Variants in COL6A2 observed in about 807,000 individuals in gnomAD.
COL6A2 encodes collagen type VI alpha 2 chain.
In COL6A2, 90 loss-of-function variants were observed where a neutral mutation model predicts 124.9. The observed-to-expected ratio is 0.72, with a 90% CI of 0.61 to 0.86. The LOEUF (loss-of-function observed/expected upper bound fraction) is 0.86, where lower values mean the gene tolerates loss of function less well. Ranked by LOEUF, COL6A2 falls within the 40% of genes least tolerant of loss-of-function variation. COL6A2 has a pLI of 0.00. For missense variants in COL6A2, 1,607 were observed against 1,502.5 expected, an observed-to-expected ratio of 1.07 and a Z score of -1.15; for synonymous variants, 793 against 618.2, an observed-to-expected ratio of 1.28 and a Z score of -4.19.
At position 46,116,472 on chromosome 21, in the gene COL6A2, G is replaced by A. The variant is rs546151427; in HGVS notation, c.927+69G>A. ...GGCCCAGACCCACCTCTTGGCGTCC[G>A]CCGCAGCCTGTCACTGCTCCTGGGG... On this transcript the variant is annotated intron_variant, in intron 8 of 27. Transcript: ENST00000300527. The surrounding 1 kb of genome is among the most constrained non-coding windows in gnomAD (Gnocchi z 4.6). 2.4e-4 allele frequency: 380 copies of A among 1,599,778 alleles called. 1 individual carries two copies. The highest frequency in any genetic ancestry group is 5.5e-4 in the African/African-American group (41 of 74,770).
intron 27 of COL6A2, among the ~76,000 whole-genome samples, chr21:46,127,034 G>GCCCATGT (rs2078681548): frequency 1.3e-5 from 2 of 152,172 alleles, no homozygotes; most frequent in Non-Finnish European, 2.9e-5. Flanking sequence ...GAGTGGGGGA[G>GCCCATGT]CCCATGTCCC....
intron 15 of COL6A2, among the ~76,000 whole-genome samples, 154 bp from the exon 16 acceptor site, chr21:46,120,361 G>A (rs932585820): frequency 1.3e-5 from 2 of 152,088 alleles, no homozygotes; most frequent in East Asian, 3.9e-4. Context: ...AGGAGCTATG[G>A]GTGAAACAGG....
At chr21:46,131,770 G>A (rs1243276797) in intron 27 of COL6A2, among the ~76,000 whole-genome samples, 184 bp from the exon 28 acceptor site, 4 of 152,260 alleles carry the variant, frequency 2.6e-5, no homozygotes, top group East Asian at 1.9e-4. Flanking sequence ...CAGCAGTGCC[G>A]CCTGAAAGTG....
chr21:46,103,768 G>C (rs2078310524), intron 1 of COL6A2, among the ~76,000 whole-genome samples: 1 of 152,114 alleles, frequency 6.6e-6, no homozygotes, highest in South Asian at 2.1e-4. Flanking sequence ...GTATGATGTA[G>C]ATCTTTCAAA....
At position 46,109,874 on chromosome 21, in the gene COL6A2, T is replaced by C. The variant is rs530905825; in HGVS notation, c.-27-1576T>C. 6.6e-5 allele frequency among the ~76,000 whole-genome samples: 10 copies of C among 152,266 alleles called. No individual in the cohort carries two copies. The East Asian group carries it at 7.7e-4, about 12-fold the overall frequency. The stretch of plus-strand genomic sequence containing the variant: ...GCGATGCCTGGGTCAGCAGCCCCAG[T>C]TGGGGCAGCTGAAACTGCACCAGGA... On this transcript the variant is annotated intron_variant, in intron 1 of 27. Transcript: ENST00000300527.
Position 46,122,943 on chromosome 21 carries a change from T to A in COL6A2, c.1671+6T>A. 6.2e-7 allele frequency: 1 copy of A among 1,612,892 alleles called. No homozygotes were observed. The highest frequency in any genetic ancestry group is 8.5e-7 in the Non-Finnish European group (1 of 1,179,814). On this transcript the variant is annotated splice_donor_region_variant and intron_variant, in intron 21 of 27. Transcript: ENST00000300527. ...AAGGAGAGAAAGGAGAGCCTGTGAG[T>A]GTCACCGTCCCGAAGCCCACAGCAG...
chr21:46,131,871 G>A (rs924928715), intron 27 of COL6A2, 83 bp from the exon 28 acceptor site: 262 of 1,331,226 alleles, frequency 2.0e-4, no homozygotes, highest in Non-Finnish European at 2.5e-4. Flanking sequence ...GGGTGCGAAT[G>A]GAAGGGCACA....
At chr21:46,099,838 C>G (rs886331572) in intron 1 of COL6A2, among the ~76,000 whole-genome samples, 2 of 150,514 alleles carry the variant, frequency 1.3e-5, no homozygotes, top group Non-Finnish European at 2.9e-5. Flanking sequence ...CGTCAGATGC[C>G]CATCCCAGAA....
chr21:46,118,878 A>C, intron 13 of COL6A2, 152 bp from the exon 14 acceptor site: 1 of 928,358 alleles, frequency 1.1e-6, no homozygotes, highest in Non-Finnish European at 1.7e-6. Context: ...ACGAGGCTGA[A>C]CAAGTTCCAG....
intron 23 of COL6A2, 101 bp from the exon 24 acceptor site, chr21:46,125,165 C>G: frequency 8.1e-7 from 1 of 1,229,150 alleles, no homozygotes; most frequent in South Asian, 1.3e-5. Flanking sequence ...GCTGCCTCCA[C>G]ACGTGGGCTG....
At chr21:46,127,190 G>A (rs2078684452) in intron 27 of COL6A2, among the ~76,000 whole-genome samples, 1 of 152,186 alleles carries the variant, frequency 6.6e-6, no homozygotes, top group South Asian at 2.1e-4. Flanking sequence ...GTCCCCCTCA[G>A]TGAGCCGTCC....
At chr21:46,129,707 C>T (rs773978529) in intron 27 of COL6A2, 71 of 1,412,306 alleles carry the variant, frequency 5.0e-5, no homozygotes, top group African/African-American at 3.3e-4. Context: ...GTCTCTCCTC[C>T]GTCTTCCTGT....
chr21:46,132,305 G>A lies in COL6A2; in HGVS notation c.2813G>A (p.Arg938Lys). The A allele has an allele frequency of 1.2e-6, 2 of 1,606,484 alleles. No homozygotes were observed. The highest frequency in any genetic ancestry group is 1.1e-5 in the South Asian group (1 of 90,942). ...CGCAGCCCGCGTGGCGGGGCCCGGA[G>A]GCACGCAGAGCTGTCCTTCGTGTTC... is the stretch of plus-strand genomic sequence containing the variant. Reference protein sequence around the residue: ...IVRSPRGGARRHAELSFVFLT... With the variant: ...IVRSPRGGARKHAELSFVFLT... The change falls in exon 28 of 28, where the codon AGG becomes AAG. Residue 938 changes from arginine to lysine, a missense_variant. Around this residue, in one of 3 missense-constraint regions of COL6A2, gnomAD observed 1,223 missense variants for 1,052.2 expected, o/e 1.16. Coordinates refer to ENST00000300527, the MANE Select transcript of COL6A2 (RefSeq NM_001849.4).
Position 46,125,745 on chromosome 21 carries a change from C to T in COL6A2, c.1970-40C>T, listed in dbSNP as rs1353947327. 8 of 1,605,620 alleles carry T rather than the reference C, an allele frequency of 5.0e-6. No individual in the cohort carries two copies. The African/African-American group carries it at 8.0e-5, about 16-fold the overall frequency. On this transcript the variant is annotated intron_variant, in intron 25 of 27. Coordinates refer to ENST00000300527, the MANE Select transcript of COL6A2 (RefSeq NM_001849.4). ...TGCATGGCTGGGGATGCCCCAGACC[C>T]CGAGGCCTCTGGCAACGACCTCACG... is the stretch of plus-strand genomic sequence containing the variant.
Position 46,114,040 on chromosome 21 carries a change from G to A in COL6A2, c.768G>A (p.Gly256=). 1 of 1,613,740 alleles carries A rather than the reference G, an allele frequency of 6.2e-7. No individual in the cohort carries two copies. The highest frequency in any genetic ancestry group is 1.3e-5 in the African/African-American group (1 of 75,006). The change falls in exon 5 of 28, where the codon GGG becomes GGA. Residue 256 remains glycine, a synonymous_variant. Transcript: ENST00000300527. ...CYKVSCLEIP[G]PSGPKGYRGQ... ...AGGTGAGCTGCCTGGAAATCCCTGGGCCCTCTGGCCCCAAGGGCTACCGTG... is the reference window on the plus strand; with the variant it reads ...AGGTGAGCTGCCTGGAAATCCCTGGACCCTCTGGCCCCAAGGGCTACCGTG...
intron 27 of COL6A2, among the ~76,000 whole-genome samples, chr21:46,130,049 T>C (rs2123682046): frequency 6.6e-6 from 1 of 152,240 alleles, no homozygotes; most frequent in East Asian, 1.9e-4. Context: ...CCGTGCATGG[T>C]GACTCGTGGG....
intron 27 of COL6A2, among the ~76,000 whole-genome samples, chr21:46,131,231 C>T (rs1439522806): frequency 6.6e-6 from 1 of 152,236 alleles, no homozygotes; most frequent in Non-Finnish European, 1.5e-5. Flanking sequence ...TGGTCTCTGG[C>T]CCCACGTGAC....
intron 19 of COL6A2, 87 bp downstream of exon 19, chr21:46,122,245 C>T (rs909122916): frequency 2.7e-6 from 4 of 1,461,200 alleles, no homozygotes; most frequent in African/African-American, 2.8e-5. Flanking sequence ...TCCCTCAAGG[C>T]CTCCTCTGTG....
In COL6A2 at chr21:46,132,682, T is replaced by A; in HGVS notation, c.*130T>A. The A allele has an allele frequency of 1.0e-6, 1 of 971,914 alleles. No individual in the cohort carries two copies. The highest frequency in any genetic ancestry group is 1.6e-6 in the Non-Finnish European group (1 of 643,386). 60.2% of individuals were successfully genotyped at this position (971,914 alleles called of 1,614,324 possible). A position where few individuals can be genotyped will look rare whatever the true frequency, so the allele number is the denominator to read the frequency against. ...CGCCCTGGGCCTGCACCTCTCCAGCTCCTCCCACGGGGTCCCCGTAGCCCC... is the reference window on the plus strand; with the variant it reads ...CGCCCTGGGCCTGCACCTCTCCAGCACCTCCCACGGGGTCCCCGTAGCCCC... On this transcript the variant is annotated 3_prime_UTR_variant, in exon 28 of 28. Coordinates refer to ENST00000300527, the MANE Select transcript of COL6A2 (RefSeq NM_001849.4).
Sources: gnomAD v4.1 joint callset for allele counts (sites outside exome capture counted in the v4.1 genomes callset) on GRCh38, gnomAD v4.1.1 for gene constraint, gnomAD v4.1.1 regional missense constraint, Gnocchi (gnomAD v3.1) non-coding constraint, MANE v1.5 for transcripts, NCBI Gene and HGNC (gene_info 2026-07-23, HGNC 2026-07-21) for gene names.